CFLAR: variants seen among roughly 807,000 people sequenced by gnomAD.
CFLAR encodes the protein CASP8 and FADD like apoptosis regulator.
A neutral mutation model predicts 51.1 loss-of-function variants in CFLAR; 14 were observed. The ratio of observed to expected loss-of-function variants is 0.27; its 90% CI spans 0.18 to 0.43. The LOEUF (loss-of-function observed/expected upper bound fraction) is 0.43, where lower values mean the gene tolerates loss of function less well. Among genes scored for constraint, CFLAR ranks in the 20% least tolerant of loss-of-function variants. The probability of loss-of-function intolerance (pLI) is 1.00; values close to 1 mark genes in which losing one functional copy is unlikely to be tolerated. For missense variants in CFLAR, 390 were observed against 566.5 expected, an observed-to-expected ratio of 0.69 and a Z score of 3.16; for synonymous variants, 210 against 211.6, an observed-to-expected ratio of 0.99 and a Z score of 0.06.
chr2:201,130,099 T>C lies in CFLAR; in HGVS notation c.234T>C (p.Ala78=). 1 of 1,588,594 alleles carries C rather than the reference T, an allele frequency of 6.3e-7. No homozygotes were observed. The highest frequency in any genetic ancestry group is 8.6e-7 in the Non-Finnish European group (1 of 1,165,956). Residue 78 remains alanine, a synonymous_variant, in exon 2 of 10, where the codon GCT becomes GCC. Coordinates refer to ENST00000309955, the MANE Select transcript of CFLAR (RefSeq NM_003879.7). ...LKRILKMDRK[A]VETHLLRNPH... is the part of the protein sequence containing the mutation. ...GTATCTTGAAGATGGACAGAAAAGC[T>C]GTGGAGACCCACCTGCTCAGGAACC... is the stretch of plus-strand genomic sequence containing the variant.
At chr2:201,122,620 T>C (rs1001803366) in intron 1 of CFLAR, 9 of 152,088 alleles carry the variant, frequency 5.9e-5, no homozygotes, top group African/African-American at 1.9e-4. Flanking sequence ...GAGTCTCACA[T>C]AGGATAGAAT....
rs3044254 is a variant in CFLAR at position 201,140,749 on chromosome 2, CTGTATGTA to C, written c.606+316_606+323del. On this transcript the variant is annotated intron_variant, in intron 5 of 9. Transcript: ENST00000309955. ...TTTTTATGTGGGTTTGCATCTGTAT[CTGTATGTA>C]TGTATATATATATATATATACATAC... 3.0e-5 allele frequency: 6 copies of C among 200,462 alleles called. No homozygotes were observed. In the South Asian group the frequency reaches 5.1e-4, roughly 17 times the overall value. 12.4% of individuals were successfully genotyped at this position (200,462 alleles called of 1,614,324 possible).
At chr2:201,159,858 T>A (rs1301446607) in intron 8 of CFLAR, among the ~76,000 whole-genome samples, 1 of 152,256 alleles carries the variant, frequency 6.6e-6, no homozygotes, top group South Asian at 2.1e-4. Flanking sequence ...TGGGCTGTTC[T>A]GGCCCAGAGT....
At chr2:201,162,338 A>C (rs991274171) in intron 9 of CFLAR, 20 of 152,270 alleles carry the variant, frequency 1.3e-4, no homozygotes, top group African/African-American at 4.8e-4. Context: ...TCCTGACCTC[A>C]AGTGATCCTC....
chr2:201,131,076 A>C (rs1344621439), intron 2 of CFLAR, among the ~76,000 whole-genome samples: 1 of 152,142 alleles, frequency 6.6e-6, no homozygotes, highest in African/African-American at 2.4e-5. Flanking sequence ...CTTCAGTCCA[A>C]AGAGGAAATG....
rs1169594670 is a variant in CFLAR at position 201,171,036 on chromosome 2, G to A, written c.*7063G>A. On this transcript the variant is annotated 3_prime_UTR_variant, in exon 10 of 10. Coordinates refer to ENST00000309955, the MANE Select transcript of CFLAR (RefSeq NM_003879.7). ...CAACCTGGAGACTATTACTCTAAAG[G>A]AAGTAACTGAGGAATGGAAAACCAA... 6.6e-6 allele frequency: 1 copy of A among 152,182 alleles called. No individual in the cohort carries two copies. The highest frequency in any genetic ancestry group is 2.1e-4 in the South Asian group (1 of 4,828). 9.4% of individuals were successfully genotyped at this position (152,182 alleles called of 1,614,324 possible).
intron 2 of CFLAR, among the ~76,000 whole-genome samples, chr2:201,132,430 A>AAATATATAT (rs34318341): frequency 2.5e-4 from 35 of 137,962 alleles, no homozygotes; most frequent in African/African-American, 6.6e-4. Flanking sequence ...GGGGGGGAAA[A>AAATATATAT]ATATATATAT....
At chr2:201,121,060 T>C (rs973656183) in intron 1 of CFLAR, among the ~76,000 whole-genome samples, 3 of 152,274 alleles carry the variant, frequency 2.0e-5, no homozygotes, top group South Asian at 2.1e-4. Context: ...TTGGAAAACA[T>C]AGAAGCAGCG....
At chr2:201,150,301 T>C (rs1941052427) in intron 8 of CFLAR, 2 of 151,122 alleles carry the variant, frequency 1.3e-5, no homozygotes, top group African/African-American at 2.5e-5. Context: ...ACCACCGCAC[T>C]GTAGCCTGGG....
intron 1 of CFLAR, among the ~76,000 whole-genome samples, chr2:201,122,167 T>G (rs540370345): frequency 6.6e-6 from 1 of 152,352 alleles, no homozygotes; most frequent in South Asian, 2.1e-4. Flanking sequence ...AGCCTGGTAA[T>G]AAATTGATGA....
At chr2:201,149,586 A>G (rs2125851058) in intron 7 of CFLAR, 168 bp from the exon 8 acceptor site, 1 of 544,228 alleles carries the variant, frequency 1.8e-6, no homozygotes, top group Middle Eastern at 3.8e-4. Flanking sequence ...ATAGAGGAAA[A>G]ATTTGATATT....
chr2:201,128,428 C>T (rs1352582693), intron 1 of CFLAR, among the ~76,000 whole-genome samples: 5 of 152,098 alleles, frequency 3.3e-5, no homozygotes, highest in Non-Finnish European at 7.4e-5. Flanking sequence ...TTAATTTCTC[C>T]AGTTATTTAC....
chr2:201,169,611 T>C lies in CFLAR; in HGVS notation c.*5638T>C, dbSNP rs1277245392. ...AAAAGCAAAAATTACAAATGGGATCTAATTAAACTAAAGAGCTCCTGCACA... is the reference window on the plus strand; with the variant it reads ...AAAAGCAAAAATTACAAATGGGATCCAATTAAACTAAAGAGCTCCTGCACA... On this transcript the variant is annotated 3_prime_UTR_variant, in exon 10 of 10. Coordinates refer to ENST00000309955, the MANE Select transcript of CFLAR (RefSeq NM_003879.7). The C allele has an allele frequency of 6.6e-6, 1 of 152,132 alleles. No homozygotes were observed. Among genetic ancestry groups the C allele is most frequent in the Non-Finnish European group, 1.5e-5 (1 of 68,022 alleles). 9.4% of individuals were successfully genotyped at this position (152,132 alleles called of 1,614,324 possible).
At chr2:201,126,199 G>A (rs2048692775) in intron 1 of CFLAR, among the ~76,000 whole-genome samples, 1 of 151,880 alleles carries the variant, frequency 6.6e-6, no homozygotes, top group Non-Finnish European at 1.5e-5. Context: ...GGGGAGGGGG[G>A]GGTCTAGTTA....
rs920827503 is a variant in CFLAR at position 201,173,066 on chromosome 2, C to T, written c.*9093C>T. The T allele has an allele frequency of 2.0e-5, 3 of 152,252 alleles. No individual in the cohort carries two copies. The highest frequency in any genetic ancestry group is 2.1e-4 in the South Asian group (1 of 4,836). 9.4% of individuals were successfully genotyped at this position (152,252 alleles called of 1,614,324 possible). On this transcript the variant is annotated 3_prime_UTR_variant, in exon 10 of 10. Transcript: ENST00000309955. The stretch of plus-strand genomic sequence containing the variant: ...TTTGTTTTTGAGACGGAGTCTCACT[C>T]TGTCGCCCAGGGTGGAGTGCAGTGG...
rs1279549565 is a variant in CFLAR at position 201,169,503 on chromosome 2, C to T, written c.*5530C>T. ...TGTAAAACCTAAAACTATAAAAACC[C>T]TAGAAGAAAATCTATTTAATACCAT... On this transcript the variant is annotated 3_prime_UTR_variant, in exon 10 of 10. Transcript: ENST00000309955. 1 of 152,110 alleles carries T rather than the reference C, an allele frequency of 6.6e-6. No homozygotes were observed. Among genetic ancestry groups the T allele is most frequent in the African/African-American group, 2.4e-5 (1 of 41,428 alleles). The allele number at this position is 152,110 out of a possible 1,614,324, so 9.4% of individuals were successfully genotyped here.
chr2:201,119,534 C>G (rs1441664218), intron 1 of CFLAR, among the ~76,000 whole-genome samples: 4 of 146,660 alleles, frequency 2.7e-5, no homozygotes. Context: ...TACTATAGAT[C>G]AGTGAGGTGA....
intron 6 of CFLAR, chr2:201,146,689 T>C (rs1440225081): frequency 1.3e-5 from 2 of 152,396 alleles, no homozygotes; most frequent in African/African-American, 4.8e-5. Flanking sequence ...AGGAAACGGA[T>C]TGATGGGCTG....
intron 4 of CFLAR, chr2:201,136,399 G>T (rs1336172121): frequency 6.3e-7 from 1 of 1,598,298 alleles, no homozygotes; most frequent in East Asian, 2.2e-5. Context: ...CAGAGCTATG[G>T]ACATTCAGGG....
Sources: gnomAD v4.1 joint callset for allele counts (sites outside exome capture counted in the v4.1 genomes callset) on GRCh38, gnomAD v4.1.1 for gene constraint, MANE v1.5 for transcripts, NCBI Gene and HGNC (gene_info 2026-07-23, HGNC 2026-07-21) for gene names.